The following CYP46A1 variants were observed in gnomAD, a reference collection of about 807,000 sequenced individuals.
CYP46A1 encodes the protein cytochrome P450 family 46 subfamily A member 1, also known as cholesterol 24-hydroxylase.
Under a neutral mutation model 63.3 loss-of-function variants are expected in CYP46A1, and 20 were observed. The observed-to-expected ratio is 0.32, with a 90% CI of 0.22 to 0.46. The LOEUF is 0.46. Ranked by LOEUF, CYP46A1 falls within the 20% of genes least tolerant of loss-of-function variation. CYP46A1 has a pLI of 1.00. For missense variants in CYP46A1, 445 were observed against 670.8 expected, an observed-to-expected ratio of 0.66 and a Z score of 3.72; for synonymous variants, 268 against 273.6, an observed-to-expected ratio of 0.98 and a Z score of 0.20.
intron 11 of CYP46A1, 43 bp downstream of exon 11, chr14:99,721,366 T>C (rs1461849563): frequency 1.4e-5 from 18 of 1,298,934 alleles, no homozygotes; most frequent in Non-Finnish European, 1.9e-5. Context: ...ATGTGGGTGA[T>C]CATGTCATCA....
chr14:99,712,308 GAA>G (rs944656565), intron 7 of CYP46A1: 3 of 152,134 alleles, frequency 2.0e-5, no homozygotes, highest in Admixed American at 6.5e-5. Flanking sequence ...TCAGGCAAGA[GAA>G]AGAAATAAAA....
intron 11 of CYP46A1, among the ~76,000 whole-genome samples, chr14:99,721,709 C>T (rs536878260): frequency 6.6e-6 from 1 of 152,206 alleles, no homozygotes; most frequent in East Asian, 1.9e-4. Context: ...AATGGTGGGA[C>T]CCCTGATTCC....
chr14:99,688,497 G>A (rs906894555), intron 1 of CYP46A1, among the ~76,000 whole-genome samples: 7 of 152,084 alleles, frequency 4.6e-5, no homozygotes, highest in South Asian at 4.1e-4. Context: ...CCAGGCCCAC[G>A]CACACCTTCC....
intron 3 of CYP46A1, among the ~76,000 whole-genome samples, chr14:99,698,258 C>G (rs1214702092): frequency 2.6e-5 from 4 of 152,176 alleles, no homozygotes; most frequent in East Asian, 1.9e-4. Flanking sequence ...CACGTTCCCC[C>G]TCATGTACCT....
At chr14:99,687,010 G>T (rs754415504) in intron 1 of CYP46A1, among the ~76,000 whole-genome samples, 8 of 152,218 alleles carry the variant, frequency 5.3e-5, no homozygotes, top group Non-Finnish European at 1.2e-4. Context: ...TGAGTCTCCA[G>T]TAGTAGCATT....
chr14:99,691,411 T>C (rs970138723), intron 2 of CYP46A1: 2 of 589,344 alleles, frequency 3.4e-6, no homozygotes, highest in South Asian at 2.2e-5. Flanking sequence ...ATCTGTAAAC[T>C]GGGTGGGGGG....
At chr14:99,687,123 A>G (rs1484333834) in intron 1 of CYP46A1, among the ~76,000 whole-genome samples, 5 of 152,164 alleles carry the variant, frequency 3.3e-5, no homozygotes, top group Non-Finnish European at 5.9e-5. Context: ...GCCCTCCCTC[A>G]GTGCCCCTCC....
intron 5 of CYP46A1, among the ~76,000 whole-genome samples, chr14:99,702,716 T>C (rs2056642760): frequency 6.6e-6 from 1 of 152,114 alleles, no homozygotes; most frequent in Non-Finnish European, 1.5e-5. Flanking sequence ...ATTTTTTATA[T>C]AGTACATATT....
chr14:99,713,938 G>A (rs542101014), intron 7 of CYP46A1, among the ~76,000 whole-genome samples: 7 of 149,086 alleles, frequency 4.7e-5, no homozygotes, highest in East Asian at 2.0e-4. Context: ...AAAAGGTTCC[G>A]CACAGCAAAA....
intron 7 of CYP46A1, chr14:99,709,958 C>T (rs1650512814): frequency 6.6e-6 from 1 of 152,086 alleles, no homozygotes; most frequent in African/African-American, 2.4e-5. Flanking sequence ...AACTGTCAGT[C>T]AAGATTATAG....
At position 99,726,727 on chromosome 14, in the gene CYP46A1, A is replaced by AG. The variant is rs1288182561; in HGVS notation, c.*5dup. The stretch of plus-strand genomic sequence containing the variant: ...CCGCACCCCCACCACCCCCCTGCTG[A>AG]GGGGGCCTCCAGGCAGGACGAGACT... On this transcript the variant is annotated 3_prime_UTR_variant, in exon 15 of 15. Transcript: ENST00000261835. 5 of 1,520,716 alleles carry AG rather than the reference A, an allele frequency of 3.3e-6. No homozygotes were observed. The highest frequency in any genetic ancestry group is 4.4e-6 in the Non-Finnish European group (5 of 1,131,968). 94.2% of individuals were successfully genotyped at this position (1,520,716 alleles called of 1,614,324 possible). A position where few individuals can be genotyped will look rare whatever the true frequency, so the allele number is the denominator to read the frequency against.
intron 3 of CYP46A1, among the ~76,000 whole-genome samples, chr14:99,699,115 C>T (rs1235255149): frequency 6.6e-6 from 1 of 152,064 alleles, no homozygotes; most frequent in Non-Finnish European, 1.5e-5. Context: ...AGGGCTTCTC[C>T]CCTTCTCACT....
intron 10 of CYP46A1, among the ~76,000 whole-genome samples, chr14:99,719,626 A>G (rs994955191): frequency 1.3e-5 from 2 of 151,740 alleles, no homozygotes; most frequent in African/African-American, 2.4e-5. Flanking sequence ...GTGTTTGTCT[A>G]TTCTAGGTGA....
In CYP46A1 at chr14:99,721,890, C is replaced by T. The variant is rs1325943616; in HGVS notation, c.1066-66C>T. On this transcript the variant is annotated intron_variant, in intron 11 of 14. Transcript: ENST00000261835. ...GGAAAGACAGGGGTCCCAGGCATGCCGCCGGCCGGCATGATCTGTGGCCTC... is the reference window on the plus strand; with the variant it reads ...GGAAAGACAGGGGTCCCAGGCATGCTGCCGGCCGGCATGATCTGTGGCCTC... The T allele has an allele frequency of 1.0e-5, 14 of 1,377,982 alleles. No homozygotes were observed. The Admixed American group carries it at 1.0e-4, about 10-fold the overall frequency. 85.4% of individuals were successfully genotyped at this position (1,377,982 alleles called of 1,614,324 possible).
At chr14:99,691,491 C>G in intron 2 of CYP46A1, 1 of 568,952 alleles carries the variant, frequency 1.8e-6, no homozygotes, top group Non-Finnish European at 3.1e-6. Context: ...TTCAAAGATG[C>G]GAATCATTTG....
At chr14:99,712,690 A>G (rs554667148) in intron 7 of CYP46A1, 1 of 152,248 alleles carries the variant, frequency 6.6e-6, no homozygotes, top group Non-Finnish European at 1.5e-5. Context: ...ATGGATCGAA[A>G]GAATTAATAT....
chr14:99,720,768 T>A (rs965752437), intron 10 of CYP46A1, among the ~76,000 whole-genome samples: 3 of 152,158 alleles, frequency 2.0e-5, no homozygotes, highest in Non-Finnish European at 2.9e-5. Context: ...CTGTTTTGGA[T>A]GTGGCCATCG....
At chr14:99,684,698 A>C in intron 1 of CYP46A1, 162 bp downstream of exon 1, 3 of 675,662 alleles carry the variant, frequency 4.4e-6, no homozygotes, top group Middle Eastern at 2.4e-4. Context: ...TTAGTAACAA[A>C]TTACTCACAG....
chr14:99,692,962 T>C (rs1187514537), intron 3 of CYP46A1, among the ~76,000 whole-genome samples: 1 of 152,236 alleles, frequency 6.6e-6, no homozygotes, highest in Non-Finnish European at 1.5e-5. Flanking sequence ...CTCCGGGCTC[T>C]GCCACCAACT....
Sources: gnomAD v4.1 joint callset for allele counts (sites outside exome capture counted in the v4.1 genomes callset) on GRCh38, gnomAD v4.1.1 for gene constraint, MANE v1.5 for transcripts, NCBI Gene and HGNC (gene_info 2026-07-23, HGNC 2026-07-21) for gene names.